SGPP2: variants seen among roughly 807,000 people sequenced by gnomAD.
SGPP2 encodes the protein sphingosine 1-phosphate phosphohydrolase 2.
Under a neutral mutation model 33.9 loss-of-function variants are expected in SGPP2, and 30 were observed. The observed-to-expected ratio is 0.89, with a 90% CI of 0.66 to 1.20. The LOEUF is 1.20. Among genes scored for constraint, SGPP2 ranks in the 50% most tolerant of loss-of-function variants. The probability of loss-of-function intolerance (pLI) is 0.00; values close to 1 mark genes in which losing one functional copy is unlikely to be tolerated. For synonymous variants in SGPP2, 233 were observed against 225.0 expected, an observed-to-expected ratio of 1.04 and a Z score of -0.32; for missense variants, 458 against 532.1, an observed-to-expected ratio of 0.86 and a Z score of 1.37.
At chr2:222,438,395 A>C (rs1559143566) in intron 1 of SGPP2, among the ~76,000 whole-genome samples, 1 of 152,222 alleles carries the variant, frequency 6.6e-6, no homozygotes, top group East Asian at 1.9e-4. Context: ...CCAGTGTGAT[A>C]TCTTGCGAAA....
intron 2 of SGPP2, among the ~76,000 whole-genome samples, chr2:222,495,779 A>G (rs1185040351): frequency 6.6e-6 from 1 of 152,098 alleles, no homozygotes; most frequent in Non-Finnish European, 1.5e-5. Flanking sequence ...TGAACTCTGT[A>G]CCCCCTGGTC....
intron 1 of SGPP2, among the ~76,000 whole-genome samples, chr2:222,426,060 G>A (rs1406360461): frequency 6.6e-6 from 1 of 151,454 alleles, no homozygotes; most frequent in Non-Finnish European, 1.5e-5. Flanking sequence ...AGAGTAGGGG[G>A]GATAAGAAAT....
At chr2:222,505,157 C>A (rs1270048406) in intron 2 of SGPP2, among the ~76,000 whole-genome samples, 3 of 152,198 alleles carry the variant, frequency 2.0e-5, no homozygotes, top group Non-Finnish European at 2.9e-5. Context: ...TGCTTGCTTA[C>A]AGGCACCCAC....
At chr2:222,525,363 G>A (rs1698742989) in intron 4 of SGPP2, among the ~76,000 whole-genome samples, 1 of 152,138 alleles carries the variant, frequency 6.6e-6, no homozygotes, top group Middle Eastern at 3.2e-3. Context: ...CAGGCTCATA[G>A]GCACGAGTGA....
In SGPP2 at chr2:222,558,459, T is replaced by C. The variant is rs1227480578; in HGVS notation, c.761T>C (p.Ile254Thr). Residue 254 changes from isoleucine to threonine, a missense_variant, in exon 5 of 5, where the codon ATA becomes ACA. Physicochemically the swap from Ile to Thr is moderately conservative, Grantham distance 89. Coordinates refer to ENST00000321276, the MANE Select transcript of SGPP2 (RefSeq NM_152386.4). ...SASPLFPVCVIVVPFFLCYNY... is the reference protein window; with the variant it reads ...SASPLFPVCVTVVPFFLCYNY... Reference sequence around the variant, plus strand: ...AGCCCCCTCTTCCCCGTGTGTGTCATAGTTGTGCCATTCTTCCTGTGTTAC... The same window carrying C: ...AGCCCCCTCTTCCCCGTGTGTGTCACAGTTGTGCCATTCTTCCTGTGTTAC... 6.2e-7 allele frequency: 1 copy of C among 1,614,188 alleles called. No individual in the cohort carries two copies. Among genetic ancestry groups the C allele is most frequent in the East Asian group, 2.2e-5 (1 of 44,884 alleles).
chr2:222,432,749 C>A (rs373122350), intron 1 of SGPP2, among the ~76,000 whole-genome samples: 4 of 152,174 alleles, frequency 2.6e-5, no homozygotes, highest in East Asian at 3.9e-4. Flanking sequence ...AGGCCAGATA[C>A]GGTGGCTCAC....
chr2:222,528,095 G>T (rs971279319), intron 4 of SGPP2, among the ~76,000 whole-genome samples: 3 of 152,182 alleles, frequency 2.0e-5, no homozygotes, highest in Non-Finnish European at 4.4e-5. Flanking sequence ...AATCTCTAGG[G>T]AATGTCTTTT....
chr2:222,464,857 G>A (rs1697722101), intron 1 of SGPP2, among the ~76,000 whole-genome samples: 1 of 152,282 alleles, frequency 6.6e-6, no homozygotes, highest in South Asian at 2.1e-4. Flanking sequence ...GTCAAGAAGA[G>A]CATTGTTGCC....
intron 1 of SGPP2, among the ~76,000 whole-genome samples, chr2:222,446,568 C>A (rs1045531255): frequency 6.6e-6 from 1 of 152,112 alleles, no homozygotes; most frequent in African/African-American, 2.4e-5. Context: ...TGTATAAGTC[C>A]ATCTTTAGCT....
chr2:222,507,936 G>A (rs957510562), intron 2 of SGPP2, among the ~76,000 whole-genome samples: 1 of 152,160 alleles, frequency 6.6e-6, no homozygotes, highest in Non-Finnish European at 1.5e-5. Flanking sequence ...TTGACTGACT[G>A]TTCATTTGTT....
chr2:222,466,679 T>G (rs1370442992), intron 1 of SGPP2, among the ~76,000 whole-genome samples: 4 of 148,792 alleles, frequency 2.7e-5, no homozygotes, highest in African/African-American at 5.2e-5. Flanking sequence ...ATGGTTTGGG[T>G]TTTTTTTTGG....
intron 4 of SGPP2, among the ~76,000 whole-genome samples, chr2:222,548,813 C>G (rs1257138544): frequency 6.6e-6 from 1 of 152,158 alleles, no homozygotes; most frequent in Non-Finnish European, 1.5e-5. Context: ...AATAATGTTG[C>G]CTCCTCCTTG....
chr2:222,542,832 T>C (rs1559174855), intron 4 of SGPP2, among the ~76,000 whole-genome samples: 6 of 151,976 alleles, frequency 3.9e-5, no homozygotes, highest in Admixed American at 3.9e-4. Context: ...TTTTTTTTCT[T>C]GAGACAAGGT....
At chr2:222,509,277 T>C (rs943035019) in intron 2 of SGPP2, among the ~76,000 whole-genome samples, 1 of 152,178 alleles carries the variant, frequency 6.6e-6, no homozygotes, top group African/African-American at 2.4e-5. Flanking sequence ...GTCCCAGTTG[T>C]CCTGGTTTGA....
Position 222,441,562 on chromosome 2 carries a change from A to G in SGPP2, c.219+16741A>G, listed in dbSNP as rs1043233672. Among the ~76,000 whole-genome samples the G allele has an allele frequency of 2.6e-5, 4 of 152,182 alleles. No individual in the cohort carries two copies. In the East Asian group the frequency reaches 7.7e-4, roughly 29 times the overall value. ...AGTATATATTTGAATATATTTTTTC[A>G]AAAGGATCTGGAGTGATGAACCAAA... On this transcript the variant is annotated intron_variant, in intron 1 of 4. Coordinates refer to ENST00000321276, the MANE Select transcript of SGPP2 (RefSeq NM_152386.4).
chr2:222,519,476 C>T (rs1698651318), intron 2 of SGPP2, among the ~76,000 whole-genome samples: 3 of 152,158 alleles, frequency 2.0e-5, no homozygotes, highest in Admixed American at 1.3e-4. Context: ...GTTAATAATC[C>T]TATTCACTCC....
At position 222,529,375 on chromosome 2, in the gene SGPP2, C is replaced by T. The variant is rs528715140; in HGVS notation, c.648+4342C>T. On this transcript the variant is annotated intron_variant, in intron 4 of 4. Transcript: ENST00000321276. ...TTTGAGACAGAGTCTCACTCTGTCACCCAGGCTGGAGTGCAATGGCGTGAT... is the reference window on the plus strand; with the variant it reads ...TTTGAGACAGAGTCTCACTCTGTCATCCAGGCTGGAGTGCAATGGCGTGAT... 1.6e-4 allele frequency among the ~76,000 whole-genome samples: 25 copies of T among 152,238 alleles called. No homozygotes were observed. In the South Asian group the frequency reaches 3.9e-3, roughly 24 times the overall value.
intron 1 of SGPP2, among the ~76,000 whole-genome samples, chr2:222,438,313 C>A (rs1259709832): frequency 1.3e-5 from 2 of 152,226 alleles, no homozygotes; most frequent in African/African-American, 4.8e-5. Flanking sequence ...AAATGTCTCA[C>A]CAATAAGTCC....
At chr2:222,509,584 C>G (rs1262773481) in intron 2 of SGPP2, among the ~76,000 whole-genome samples, 2 of 152,170 alleles carry the variant, frequency 1.3e-5, no homozygotes, top group East Asian at 3.8e-4. Flanking sequence ...CAGAATTGAA[C>G]AGGATTTTTG....
Sources: allele counts gnomAD v4.1 joint callset (sites outside exome capture counted in the v4.1 genomes callset), GRCh38; gene constraint gnomAD v4.1.1; transcripts MANE v1.5; gene names NCBI Gene and HGNC (gene_info 2026-07-23, HGNC 2026-07-21).